SMARCA1: variants seen among roughly 807,000 people sequenced by gnomAD.
The protein encoded by SMARCA1 is SWI/SNF-related matrix-associated actin-dependent regulator of chromatin subfamily A member 1.
Under a neutral mutation model 93.6 loss-of-function variants are expected in SMARCA1, and 17 were observed. The observed-to-expected ratio is 0.18, with a 90% CI of 0.12 to 0.27. SMARCA1 has a LOEUF of 0.27. Among genes scored for constraint, SMARCA1 ranks in the 10% least tolerant of loss-of-function variants. The pLI is 1.00. For missense variants in SMARCA1, 630 were observed against 819.0 expected, an observed-to-expected ratio of 0.77 and a Z score of 2.82; for synonymous variants, 271 against 271.4, an observed-to-expected ratio of 1.00 and a Z score of 0.01.
chrX:129,474,783 T>C (rs1933294405), intron 19 of SMARCA1, among the ~76,000 whole-genome samples: 1 of 111,713 alleles, frequency 9.0e-6, no homozygotes, highest in Non-Finnish European at 1.9e-5. Flanking sequence ...TCTTAAATTG[T>C]AGCTCCCACA....
intron 9 of SMARCA1, among the ~76,000 whole-genome samples, chrX:129,501,611 G>T (rs192988395): frequency 0.02 from 2,018 of 102,353 alleles, 23 homozygotes; most frequent in South Asian, 0.034. Flanking sequence ...AACTTTTTTT[G>T]GGGGGGGAGG....
chrX:129,480,036 C>T (rs1191673002), intron 19 of SMARCA1, among the ~76,000 whole-genome samples: 1 of 111,682 alleles, frequency 9.0e-6, no homozygotes, highest in Non-Finnish European at 1.9e-5. Flanking sequence ...ATTATTATAC[C>T]TTTGGTCATC....
intron 23 of SMARCA1, among the ~76,000 whole-genome samples, chrX:129,453,038 T>C (rs1932387737): frequency 9.0e-6 from 1 of 111,567 alleles, no homozygotes; most frequent in Non-Finnish European, 1.9e-5. Context: ...CCATATTAGA[T>C]GGCTAACTTT....
chrX:129,473,943 A>G (rs1169380806), intron 19 of SMARCA1, among the ~76,000 whole-genome samples: 1 of 111,884 alleles, frequency 8.9e-6, no homozygotes, highest in Non-Finnish European at 1.9e-5. Flanking sequence ...ATTTCACTCT[A>G]TGTAAATGTT....
At chrX:129,489,112 T>C in intron 15 of SMARCA1, 27 bp from the exon 16 acceptor site, 1 of 1,020,781 alleles carries the variant, frequency 9.8e-7, no homozygotes, top group South Asian at 2.0e-5. Context: ...AAATTGTACA[T>C]ATTCAATCAA....
chrX:129,479,968 G>T (rs1307934500), intron 19 of SMARCA1, among the ~76,000 whole-genome samples: 1 of 111,707 alleles, frequency 9.0e-6, no homozygotes, highest in Non-Finnish European at 1.9e-5. Flanking sequence ...AAAGTGCTGG[G>T]ATTACAGGCA....
intron 17 of SMARCA1, among the ~76,000 whole-genome samples, chrX:129,485,137 A>G (rs1384346150): frequency 1.8e-5 from 2 of 112,338 alleles, no homozygotes; most frequent in East Asian, 5.6e-4. Context: ...CCTATCTGGA[A>G]AAGCTGCAGG....
intron 23 of SMARCA1, among the ~76,000 whole-genome samples, chrX:129,454,093 T>G (rs1052567007): frequency 1.8e-5 from 2 of 111,144 alleles, no homozygotes; most frequent in Non-Finnish European, 3.8e-5. Context: ...CCAAAACAGA[T>G]ATATAGACCA....
Position 129,453,913 on chromosome X carries a change from A to G in SMARCA1, c.3031-5470T>C, listed in dbSNP as rs185243244. Among the ~76,000 whole-genome samples the G allele has an allele frequency of 2.7e-5, 3 of 112,095 alleles. No homozygotes were observed. In the East Asian group the frequency reaches 8.4e-4, roughly 31 times the overall value. ...TGCTATCCCCATCAAGCTACCATTG[A>G]CTTTCTTCACAGAATTAGAAAAAAC... is the stretch of plus-strand genomic sequence containing the variant. On this transcript the variant is annotated intron_variant, in intron 23 of 24. Coordinates refer to ENST00000371121, the MANE Select transcript of SMARCA1 (RefSeq NM_001282874.2).
Position 129,511,824 on chromosome X carries a change from C to T in SMARCA1, c.790G>A (p.Val264Ile). 1 of 1,197,021 alleles carries T rather than the reference C, an allele frequency of 8.4e-7. No individual in the cohort carries two copies. Among genetic ancestry groups the T allele is most frequent in the Non-Finnish European group, 1.1e-6 (1 of 888,442 alleles). ...WVPSLRVICF[V>I]GDKDARAAFI... ...CTTACTCTGGCATCCTTGTCTCCGA[C>T]AAAACAAATGACACGGAGAGATGGG... Residue 264 changes from valine to isoleucine, a missense_variant, in exon 6 of 25, where the codon GTC (valine) becomes ATC (isoleucine). By Grantham distance (29) the Val-to-Ile change is conservative. Transcript: ENST00000371121.
chrX:129,487,523 A>T (rs1933942189), intron 16 of SMARCA1, among the ~76,000 whole-genome samples: 1 of 112,667 alleles, frequency 8.9e-6, no homozygotes, highest in African/African-American at 3.2e-5. Context: ...TTTAAAATGC[A>T]GGTTATTACC....
chrX:129,503,122 C>T (rs997644992), intron 9 of SMARCA1, among the ~76,000 whole-genome samples: 2 of 111,786 alleles, frequency 1.8e-5, no homozygotes, highest in Non-Finnish European at 3.8e-5. Flanking sequence ...AGAAGGAGGG[C>T]AGGAGATACC....
In SMARCA1 at chrX:129,491,980, A is replaced by G; in HGVS notation, c.1776T>C (p.Tyr592=). The change falls in exon 14 of 25, where the codon TAT becomes TAC. Residue 592 remains tyrosine (Y), a synonymous_variant. Transcript: ENST00000371121. The stretch of plus-strand genomic sequence containing the variant: ...CAACCTGTGGGTTCCAGTCTGAATC[A>G]TATAGTATAACCACATCAGCACTTG... ...NLASADVVIL[Y]DSDWNPQVDL... The G allele has an allele frequency of 8.3e-7, 1 of 1,201,072 alleles. No individual in the cohort carries two copies.
chrX:129,507,996 T>C lies in SMARCA1; in HGVS notation c.911A>G (p.His304Arg). The change falls in exon 7 of 25, where the codon CAC (histidine) becomes CGC (arginine). Residue 304 changes from histidine (H) to arginine (R), a missense_variant. Around this residue, in one of 4 missense-constraint regions of SMARCA1, gnomAD observed 382 missense variants for 537.9 expected, o/e 0.71. Transcript: ENST00000371121. Reference protein sequence around the residue: ...IKEKSVFKKFHWRYLVIDEAH... With the variant: ...IKEKSVFKKFRWRYLVIDEAH... ...TTCATCAATGACCAGGTATCGCCAG[T>C]GAAACTTTTTGAATACAGATTTTTC... 1 of 1,179,470 alleles carries C rather than the reference T, an allele frequency of 8.5e-7. No homozygotes were observed. The highest frequency in any genetic ancestry group is 1.1e-6 in the Non-Finnish European group (1 of 871,777).
At chrX:129,457,670 T>C (rs752160691) in intron 23 of SMARCA1, among the ~76,000 whole-genome samples, 10 of 112,368 alleles carry the variant, frequency 8.9e-5, no homozygotes, top group South Asian at 3.7e-4. Flanking sequence ...GAGTACCCAC[T>C]ACCTCACAAG....
chrX:129,451,700 A>ATTT (rs772285996), intron 23 of SMARCA1, among the ~76,000 whole-genome samples: 22 of 81,421 alleles, frequency 2.7e-4, no homozygotes, highest in Admixed American at 4.2e-4. Flanking sequence ...TACCAGCTCC[A>ATTT]TTTTTTTTTT....
chrX:129,511,880 T>A lies in SMARCA1; in HGVS notation c.734A>T (p.His245Leu). The change falls in exon 6 of 25, where the codon CAC (histidine) becomes CTC (leucine). Residue 245 changes from histidine to leucine, a missense_variant. By Grantham distance (99) the His-to-Leu change is moderately conservative. Transcript: ENST00000371121. ...HMVLVPKSTL[H>L]NWMNEFKRWV... ...TCGTTTAAATTCATTCATCCAGTTG[T>A]GTAAAGTAGACTTTGGAACTAAAAC... 1 of 1,204,850 alleles carries A rather than the reference T, an allele frequency of 8.3e-7. No individual in the cohort carries two copies. The highest frequency in any genetic ancestry group is 1.1e-6 in the Non-Finnish European group (1 of 889,508).
At chrX:129,464,244 A>T (rs1377716210) in intron 23 of SMARCA1, among the ~76,000 whole-genome samples, 1 of 112,610 alleles carries the variant, frequency 8.9e-6, no homozygotes, top group Non-Finnish European at 1.9e-5. Context: ...CTGAAAATAT[A>T]AAGTGAGTCA....
rs993794629 is a variant in SMARCA1 at position 129,515,972 on chromosome X, G to C, written c.451C>G (p.Gln151Glu). Reference sequence around the variant, plus strand: ...GACAGTAGCTCTTCATCTTCTTCTTGCTCTGTGCGCCTATGGCGGTAGCTG... The same window carrying C: ...GACAGTAGCTCTTCATCTTCTTCTTCCTCTGTGCGCCTATGGCGGTAGCTG... ...AGDYRHRRTE[Q>E]EEDEELLSES... Residue 151 changes from glutamine (Q) to glutamate (E), a missense_variant, in exon 4 of 25, where the codon CAA becomes GAA. By Grantham distance (29) the Gln-to-Glu change is conservative (BLOSUM62 2). Coordinates refer to ENST00000371121, the MANE Select transcript of SMARCA1 (RefSeq NM_001282874.2). 4 of 1,203,434 alleles carry C rather than the reference G, an allele frequency of 3.3e-6. No homozygotes were observed. Among genetic ancestry groups the C allele is most frequent in the Admixed American group, 2.2e-5 (1 of 45,615 alleles).
Sources: allele counts gnomAD v4.1 joint callset (sites outside exome capture counted in the v4.1 genomes callset), GRCh38; gene constraint gnomAD v4.1.1; regional missense constraint gnomAD v4.1.1; transcripts MANE v1.5; gene names NCBI Gene and HGNC (gene_info 2026-07-23, HGNC 2026-07-21).